IRF2BPL: variants seen among roughly 807,000 people sequenced by gnomAD.
The protein encoded by IRF2BPL is probable E3 ubiquitin-protein ligase IRF2BPL.
IRF2BPL carries 13 observed loss-of-function variants against 51.2 expected under a neutral mutation model. The ratio of observed to expected loss-of-function variants is 0.25; its 90% CI spans 0.17 to 0.40. IRF2BPL has a LOEUF of 0.40. IRF2BPL is among the 10% of genes least tolerant of loss of function. IRF2BPL has a pLI of 1.00. For synonymous variants in IRF2BPL, 768 were observed against 509.2 expected, an observed-to-expected ratio of 1.51 and a Z score of -6.84; for missense variants, 1,210 against 1,111.8, an observed-to-expected ratio of 1.09 and a Z score of -1.26.
At position 77,027,564 on chromosome 14, in the gene IRF2BPL, C is replaced by T; in HGVS notation, c.229G>A (p.Gly77Arg). ...GRSPGPPPPV[G>R]VKTVALSAKE... ...GCCGACAGGGCCACTGTCTTGACCC[C>T]GACGGGCGGCGGCGGCCCGGGGGAG... The change falls in exon 1 of 1, where the codon GGG (glycine) becomes AGG (arginine). Residue 77 changes from glycine to arginine, a missense_variant. By Grantham distance (125) the Gly-to-Arg change is moderately radical. Transcript: ENST00000238647. 3.6e-6 allele frequency: 3 copies of T among 844,156 alleles called. No homozygotes were observed. Among genetic ancestry groups the T allele is most frequent in the Non-Finnish European group, 3.2e-6 (2 of 631,286 alleles). 52.3% of individuals were successfully genotyped at this position (844,156 alleles called of 1,614,324 possible). A position where few individuals can be genotyped will look rare whatever the true frequency, so the allele number is the denominator to read the frequency against.
Position 77,027,651 on chromosome 14 carries a change from C to T in IRF2BPL, c.142G>A (p.Glu48Lys). ...CVNYEGADRIEFVIETARQLK... is the reference protein window; with the variant it reads ...CVNYEGADRIKFVIETARQLK... ...TGGCGCGCTGTCTCGATCACGAATT[C>T]GATGCGATCAGCGCCCTCGTAGTTG... The change falls in exon 1 of 1, where the codon GAA (glutamate) becomes AAA (lysine). Residue 48 changes from glutamate (E) to lysine (K), a missense_variant. Transcript: ENST00000238647. The T allele has an allele frequency of 6.2e-7, 1 of 1,610,728 alleles. No individual in the cohort carries two copies. Among genetic ancestry groups the T allele is most frequent in the South Asian group, 1.1e-5 (1 of 90,892 alleles).
rs761631972 is a variant in IRF2BPL, at chr14:77,026,716, C to T, written c.1077G>A (p.Glu359=). ...ACTCCTCGGCGCGGTTGCGCAGGCT[C>T]TCGCTCAGCTCGGCCAGGGCCTCGG... is the stretch of plus-strand genomic sequence containing the variant. The part of the protein sequence containing the change: ...RNAEALAELS[E]SLRNRAEEWA... Residue 359 remains glutamate, a synonymous_variant, in exon 1 of 1, where the codon GAG becomes GAA. Coordinates refer to ENST00000238647, the MANE Select transcript of IRF2BPL (RefSeq NM_024496.4). The T allele has an allele frequency of 1.2e-6, 2 of 1,612,572 alleles. No homozygotes were observed. Among genetic ancestry groups the T allele is most frequent in the African/African-American group, 1.3e-5 (1 of 74,942 alleles).
rs1885054263 is a variant in IRF2BPL at position 77,024,674 on chromosome 14, A to T, written c.*728T>A. 6.6e-6 allele frequency: 1 copy of T among 152,632 alleles called. No homozygotes were observed. The highest frequency in any genetic ancestry group is 6.5e-5 in the Admixed American group (1 of 15,280). The allele number at this position is 152,632 out of a possible 1,614,324, so 9.5% of individuals were successfully genotyped here. On this transcript the variant is annotated 3_prime_UTR_variant, in exon 1 of 1. Coordinates refer to ENST00000238647, the MANE Select transcript of IRF2BPL (RefSeq NM_024496.4). ...CTAGCATTTCGCTCTACTGTTCAAA[A>T]GCATCCGTGCATCAATAAAGCAAAA...
In IRF2BPL at chr14:77,026,789, A is replaced by T. The variant is rs1188240191; in HGVS notation, c.1004T>A (p.Val335Glu). Residue 335 changes from valine to glutamate, a missense_variant, in exon 1 of 1, where the codon GTG becomes GAG. Physicochemically the swap from Val to Glu is moderately radical, Grantham distance 121. Transcript: ENST00000238647. ...VGAGGKRPGS[V>E]SSTDQERELK... The stretch of plus-strand genomic sequence containing the variant: ...CTCGCGCTCCTGGTCTGTGCTCGAC[A>T]CCGAGCCGGGCCTCTTACCACCAGC... The T allele has an allele frequency of 6.2e-7, 1 of 1,612,574 alleles. No homozygotes were observed. The highest frequency in any genetic ancestry group is 1.3e-5 in the African/African-American group (1 of 75,022).
At position 77,024,914 on chromosome 14, in the gene IRF2BPL, A is replaced by ATTTTTTTTTT. The variant is rs554195069; in HGVS notation, c.*478_*487dup. 1 of 23,016 alleles carries ATTTTTTTTTT rather than the reference A, an allele frequency of 4.3e-5. No individual in the cohort carries two copies. Among genetic ancestry groups the ATTTTTTTTTT allele is most frequent in the African/African-American group, 1.7e-4 (1 of 5,796 alleles). 1.4% of individuals were successfully genotyped at this position (23,016 alleles called of 1,614,324 possible). ...AAGGAAGCTTTCACCATTTTATAGC[A>ATTTTTTTTTT]TTTTTTTTTTTTTTTTTTTTTTTTT... On this transcript the variant is annotated 3_prime_UTR_variant, in exon 1 of 1. Transcript: ENST00000238647.
Position 77,025,996 on chromosome 14 carries a change from C to A in IRF2BPL, c.1797G>T (p.Pro599=), listed in dbSNP as rs1466137778. The A allele has an allele frequency of 1.9e-6, 3 of 1,570,952 alleles. No homozygotes were observed. The highest frequency in any genetic ancestry group is 1.4e-5 in the African/African-American group (1 of 73,862). ...PGHAAGGPPP[P]PPPLGPHSNR... is the part of the protein sequence containing the mutation. ...TGGAATGGGGTCCCAGAGGTGGGGG[C>A]GGCGGAGGCGGACCCCCCGCCGCGT... Residue 599 remains proline, a synonymous_variant, in exon 1 of 1, where the codon CCG becomes CCT. Transcript: ENST00000238647.
chr14:77,027,756 A>T lies in IRF2BPL; in HGVS notation c.37T>A (p.Ser13Thr). Residue 13 changes from serine to threonine, a missense_variant, in exon 1 of 1, where the codon TCT (serine) becomes ACT (threonine). Physicochemically the swap from Ser to Thr is moderately conservative, Grantham distance 58 (BLOSUM62 1). Coordinates refer to ENST00000238647, the MANE Select transcript of IRF2BPL (RefSeq NM_024496.4). ...AAQVSSSRRQ[S>T]CYLCDLPRMP... ...CGGGGCAGGTCGCACAGGTAGCAAG[A>T]TTGTCTCCGGGACGAGGACACCTGC... 1 of 1,598,608 alleles carries T rather than the reference A, an allele frequency of 6.3e-7. No homozygotes were observed. Among genetic ancestry groups the T allele is most frequent in the Non-Finnish European group, 8.5e-7 (1 of 1,172,510 alleles).
At position 77,027,835 on chromosome 14, in the gene IRF2BPL, C is replaced by A; in HGVS notation, c.-43G>T. Reference sequence around the variant, plus strand: ...AGGTAGGCCCCCGCCCGGGCTGTCTCCGCGGCGCCTTCTCCTCCGGGAGGA... The same window carrying A: ...AGGTAGGCCCCCGCCCGGGCTGTCTACGCGGCGCCTTCTCCTCCGGGAGGA... On this transcript the variant is annotated 5_prime_UTR_variant, in exon 1 of 1. Transcript: ENST00000238647. 6.8e-7 allele frequency: 1 copy of A among 1,460,674 alleles called. No individual in the cohort carries two copies. The highest frequency in any genetic ancestry group is 1.4e-5 in the South Asian group (1 of 72,502). 90.5% of individuals were successfully genotyped at this position (1,460,674 alleles called of 1,614,324 possible).
Position 77,027,508 on chromosome 14 carries a change from C to CGCT in IRF2BPL, c.282_284dup (p.Ala102dup), listed in dbSNP as rs770435618. On this transcript the variant is annotated inframe_insertion, in exon 1 of 1. Coordinates refer to ENST00000238647, the MANE Select transcript of IRF2BPL (RefSeq NM_024496.4). The stretch of plus-strand genomic sequence containing the variant: ...GTTGCGCGGCGGCGGCGGCGGCCGC[C>CGCT]GCTGCTGCCGCCGCCGCCGCCGCTT... The CGCT allele has an allele frequency of 4.5e-6, 3 of 673,014 alleles. No individual in the cohort carries two copies. The highest frequency in any genetic ancestry group is 2.1e-5 in the African/African-American group (1 of 48,414). 41.7% of individuals were successfully genotyped at this position (673,014 alleles called of 1,614,324 possible).
rs1390613113 is a variant in IRF2BPL at position 77,026,019 on chromosome 14, C to G, written c.1774G>C (p.Ala592Pro). Residue 592 changes from alanine to proline, a missense_variant, in exon 1 of 1, where the codon GCG becomes CCG. Coordinates refer to ENST00000238647, the MANE Select transcript of IRF2BPL (RefSeq NM_024496.4). ...GGCGGCGGAGGCGGACCCCCCGCCGCGTGCCCCGGCGCCGCGAAGCCCCCG... is the reference window on the plus strand; with the variant it reads ...GGCGGCGGAGGCGGACCCCCCGCCGGGTGCCCCGGCGCCGCGAAGCCCCCG... Reference protein sequence around the residue: ...SAGGFAAPGHAAGGPPPPPPP... With the variant: ...SAGGFAAPGHPAGGPPPPPPP... 6.4e-7 allele frequency: 1 copy of G among 1,563,806 alleles called. No individual in the cohort carries two copies.
Position 77,027,312 on chromosome 14 carries a change from C to G in IRF2BPL, c.481G>C (p.Ala161Pro). ...LSAAAAAAAA[A>P]AAAVEQRSRF... is the part of the protein sequence containing the mutation. ...CTGCGCTGTTCCACCGCAGCGGCGG[C>G]GGCGGCGGCGGCGGCGGCGGCAGCG... Residue 161 changes from alanine to proline, a missense_variant, in exon 1 of 1, where the codon GCC (alanine) becomes CCC (proline). Transcript: ENST00000238647. The G allele has an allele frequency of 6.6e-7, 1 of 1,516,120 alleles. No homozygotes were observed. Among genetic ancestry groups the G allele is most frequent in the South Asian group, 1.2e-5 (1 of 82,622 alleles). The allele number at this position is 1,516,120 out of a possible 1,614,324, so 93.9% of individuals were successfully genotyped here.
In IRF2BPL at chr14:77,027,317, G is replaced by A. The variant is rs767791510; in HGVS notation, c.476C>T (p.Ala159Val). ...CTGTTCCACCGCAGCGGCGGCGGCGGCGGCGGCGGCGGCGGCAGCGCTTAG... is the reference window on the plus strand; with the variant it reads ...CTGTTCCACCGCAGCGGCGGCGGCGACGGCGGCGGCGGCGGCAGCGCTTAG... ...YGLSAAAAAAAAAAAAVEQRS... is the reference protein window; with the variant it reads ...YGLSAAAAAAVAAAAAVEQRS... Residue 159 changes from alanine to valine, a missense_variant, in exon 1 of 1, where the codon GCC (alanine) becomes GTC (valine). Ala to Val is a moderately conservative substitution (Grantham distance 64). Coordinates refer to ENST00000238647, the MANE Select transcript of IRF2BPL (RefSeq NM_024496.4). 11 of 1,532,400 alleles carry A rather than the reference G, an allele frequency of 7.2e-6. No homozygotes were observed. The South Asian group carries it at 1.1e-4, about 15-fold the overall frequency. 94.9% of individuals were successfully genotyped at this position (1,532,400 alleles called of 1,614,324 possible). A position where few individuals can be genotyped will look rare whatever the true frequency, so the allele number is the denominator to read the frequency against.
rs1442167782 is a variant in IRF2BPL, at chr14:77,024,833, AAAAC to A, written c.*565_*568del. The A allele has an allele frequency of 2.4e-4, 4 of 16,398 alleles. No homozygotes were observed. Among genetic ancestry groups the A allele is most frequent in the Non-Finnish European group, 5.9e-4 (2 of 3,386 alleles). 1.0% of individuals were successfully genotyped at this position (16,398 alleles called of 1,614,324 possible). Reference sequence around the variant, plus strand: ...CTTACCATTTTGCAAACAAAACAGAAAAACAAAACAAAACAACAAAATAAAGTGA... The same window carrying A: ...CTTACCATTTTGCAAACAAAACAGAAAAAACAAAACAACAAAATAAAGTGA... On this transcript the variant is annotated 3_prime_UTR_variant, in exon 1 of 1. Transcript: ENST00000238647.
chr14:77,026,991 C>A lies in IRF2BPL; in HGVS notation c.802G>T (p.Ala268Ser), dbSNP rs948013266. The A allele has an allele frequency of 1.3e-6, 2 of 1,494,752 alleles. No homozygotes were observed. Among genetic ancestry groups the A allele is most frequent in the African/African-American group, 2.8e-5 (2 of 71,830 alleles). The allele number at this position is 1,494,752 out of a possible 1,614,324, so 92.6% of individuals were successfully genotyped here. Residue 268 changes from alanine (A) to serine (S), a missense_variant, in exon 1 of 1, where the codon GCT (alanine) becomes TCT (serine). Physicochemically the swap from Ala to Ser is moderately conservative, Grantham distance 99. Transcript: ENST00000238647. ...PQTLLNGPAS[A>S]AVLPPPPPHA... ...GGAGGGGGTGGGGGGAGTACCGCAG[C>A]GCTGGCCGGGCCGTTAAGCAGCGTC...
rs1355783686 is a variant in IRF2BPL at position 77,026,556 on chromosome 14, T to C, written c.1237A>G (p.Met413Val). ...FAFDAVSKPG[M>V]DYELKLFIEY... ...ATGAACAGCTTCAATTCGTAGTCCA[T>C]GCCGGGCTTGGAGACGGCGTCGAAG... Residue 413 changes from methionine (M) to valine (V), a missense_variant, in exon 1 of 1, where the codon ATG becomes GTG. Transcript: ENST00000238647. The C allele has an allele frequency of 1.2e-5, 19 of 1,613,844 alleles. No homozygotes were observed. Among genetic ancestry groups the C allele is most frequent in the South Asian group, 6.6e-5 (6 of 91,092 alleles).
chr14:77,026,224 C>T lies in IRF2BPL; in HGVS notation c.1569G>A (p.Gly523=), dbSNP rs1190106038. 7.1e-7 allele frequency: 1 copy of T among 1,417,342 alleles called. No individual in the cohort carries two copies. The highest frequency in any genetic ancestry group is 1.6e-5 in the South Asian group (1 of 63,670). 87.8% of individuals were successfully genotyped at this position (1,417,342 alleles called of 1,614,324 possible). A position where few individuals can be genotyped will look rare whatever the true frequency, so the allele number is the denominator to read the frequency against. Reference sequence around the variant, plus strand: ...GCGCGGCGGGCGGCAAGGCCCCGGTCCCCGGGGGTGCGCTGGGGGCGCGGC... The same window carrying T: ...GCGCGGCGGGCGGCAAGGCCCCGGTTCCCGGGGGTGCGCTGGGGGCGCGGC... The part of the protein sequence containing the change: ...SLSRAPSAPP[G]TGALPPAAPS... Residue 523 remains glycine, a synonymous_variant, in exon 1 of 1, where the codon GGG becomes GGA. Transcript: ENST00000238647.
Position 77,025,359 on chromosome 14 carries a change from G to A in IRF2BPL, c.*43C>T. On this transcript the variant is annotated 3_prime_UTR_variant, in exon 1 of 1. Transcript: ENST00000238647. ...GTTGGGGGAGGGGCCCTCAGGATTG[G>A]AGAGGAGCTGGTCTAGGGCAAAGGA... 3 of 1,418,774 alleles carry A rather than the reference G, an allele frequency of 2.1e-6. No individual in the cohort carries two copies. Among genetic ancestry groups the A allele is most frequent in the African/African-American group, 1.4e-5 (1 of 69,728 alleles). 87.9% of individuals were successfully genotyped at this position (1,418,774 alleles called of 1,614,324 possible). A position where few individuals can be genotyped will look rare whatever the true frequency, so the allele number is the denominator to read the frequency against.
rs1187723589 is a variant in IRF2BPL, at chr14:77,027,697, T to C, written c.96A>G (p.Glu32=). The change falls in exon 1 of 1, where the codon GAA becomes GAG. Residue 32 remains glutamate (E), a synonymous_variant. Coordinates refer to ENST00000238647, the MANE Select transcript of IRF2BPL (RefSeq NM_024496.4). The part of the protein sequence containing the change: ...MPWAMIWDFS[E]PVCRGCVNYE... ...AGTTGACGCAACCGCGGCATACGGG[T>C]TCCGAGAAGTCCCAGATCATGGCCC... The C allele has an allele frequency of 5.6e-6, 9 of 1,609,928 alleles. No homozygotes were observed. The South Asian group carries it at 9.9e-5, about 18-fold the overall frequency.
chr14:77,025,410 C>T lies in IRF2BPL; in HGVS notation c.2383G>A (p.Asp795Asn). The T allele has an allele frequency of 1.9e-6, 3 of 1,555,210 alleles. No homozygotes were observed. The highest frequency in any genetic ancestry group is 2.6e-6 in the Non-Finnish European group (3 of 1,148,212). Residue 795 changes from aspartate to asparagine, a missense_variant, in exon 1 of 1, where the codon GAC becomes AAC. Transcript: ENST00000238647. Reference sequence around the variant, plus strand: ...GGTGGCTGCCCAGTGGTTCAAGGGTCTCTCTCCTTTTTCACTTTAACATCC... The same window carrying T: ...GGTGGCTGCCCAGTGGTTCAAGGGTTTCTCTCCTTTTTCACTTTAACATCC... Reference protein sequence around the residue: ...AGDVKVKKERDP With the variant: ...AGDVKVKKERNP
Sources: gnomAD v4.1 joint callset for allele counts on GRCh38, gnomAD v4.1.1 for gene constraint, MANE v1.5 for transcripts, NCBI Gene and HGNC (gene_info 2026-07-23, HGNC 2026-07-21) for gene names.